Variants in CCDC88A observed in about 807,000 individuals in gnomAD.
CCDC88A encodes coiled-coil and HOOK domain protein 88A.
A neutral mutation model predicts 234.3 loss-of-function variants in CCDC88A; 54 were observed. That is an observed-to-expected ratio of 0.23 (90% CI 0.19 to 0.29). CCDC88A has a LOEUF of 0.29. Among genes scored for constraint, CCDC88A ranks in the 10% least tolerant of loss-of-function variants. The probability of loss-of-function intolerance (pLI) is 1.00; values close to 1 mark genes in which losing one functional copy is unlikely to be tolerated. For missense variants in CCDC88A, 1,832 were observed against 2,123.4 expected (o/e 0.86, Z 2.70); for synonymous variants, 753 against 737.8 (o/e 1.02, Z -0.33).
At chr2:55,347,918 T>C (rs945062805) in intron 9 of CCDC88A, among the ~76,000 whole-genome samples, 1 of 151,824 alleles carries the variant, frequency 6.6e-6, no homozygotes, top group Non-Finnish European at 1.5e-5. Context: ...AACCTAGTTA[T>C]TTATTTTAGA....
At chr2:55,403,771 C>T (rs1234006893) in intron 2 of CCDC88A, 1 of 152,212 alleles carries the variant, frequency 6.6e-6, no homozygotes, top group Non-Finnish European at 1.5e-5. Context: ...TAATCTAGAA[C>T]ATTCACTTAC....
At chr2:55,296,132 C>T in intron 30 of CCDC88A, 76 bp from the exon 31 acceptor site, 2 of 1,279,014 alleles carry the variant, frequency 1.6e-6, no homozygotes, top group Non-Finnish European at 1.1e-6. Flanking sequence ...GCAGACTGTG[C>T]AATATAAAAT....
chr2:55,372,055 A>C (rs1443878879), intron 5 of CCDC88A, among the ~76,000 whole-genome samples: 2 of 151,962 alleles, frequency 1.3e-5, no homozygotes, highest in East Asian at 1.9e-4. Flanking sequence ...TTTTCTTTTA[A>C]ATAAATTCTG....
intron 10 of CCDC88A, 101 bp from the exon 11 acceptor site, chr2:55,344,615 C>T: frequency 1.6e-5 from 10 of 619,580 alleles, no homozygotes; most frequent in Non-Finnish European, 2.5e-5. Context: ...ATCAACAGTT[C>T]TATGCATGAG....
intron 8 of CCDC88A, among the ~76,000 whole-genome samples, chr2:55,351,504 A>T (rs1669881700): frequency 6.6e-6 from 1 of 151,868 alleles, no homozygotes; most frequent in African/African-American, 2.4e-5. Context: ...ATGCCACCAC[A>T]CCCCTAATTT....
At chr2:55,355,521 G>T in intron 8 of CCDC88A, 58 bp downstream of exon 8, 2 of 1,401,460 alleles carry the variant, frequency 1.4e-6, no homozygotes, top group Non-Finnish European at 2.0e-6. Context: ...TAAAAATATT[G>T]TTTAGGTCAC....
chr2:55,380,057 C>G (rs58061618), intron 3 of CCDC88A, among the ~76,000 whole-genome samples: 1 of 93,096 alleles, frequency 1.1e-5, no homozygotes, highest in African/African-American at 4.0e-5. Flanking sequence ...AGCCCTGTCT[C>G]TACTAAAAAA....
At chr2:55,340,489 G>A (rs1484931448) in intron 12 of CCDC88A, among the ~76,000 whole-genome samples, 1 of 152,082 alleles carries the variant, frequency 6.6e-6, no homozygotes, top group Non-Finnish European at 1.5e-5. Context: ...TAGTCATCAT[G>A]TTGTTAATCT....
intron 31 of CCDC88A, chr2:55,294,400 CTAAGTT>C: frequency 1.1e-6 from 1 of 924,492 alleles, no homozygotes; most frequent in Non-Finnish European, 1.3e-6. Flanking sequence ...AAGAATAACA[CTAAGTT>C]TATAAGTATT....
At chr2:55,374,528 C>T (rs1003653916) in intron 4 of CCDC88A, among the ~76,000 whole-genome samples, 12 of 152,138 alleles carry the variant, frequency 7.9e-5, no homozygotes, top group African/African-American at 2.9e-4. Flanking sequence ...GTAACTACAT[C>T]ATCTTCTATA....
intron 5 of CCDC88A, among the ~76,000 whole-genome samples, chr2:55,368,269 G>A (rs1192321603): frequency 6.6e-6 from 1 of 152,134 alleles, no homozygotes; most frequent in Non-Finnish European, 1.5e-5. Flanking sequence ...AGTTATTTAT[G>A]TGGCTTTTAC....
intron 3 of CCDC88A, among the ~76,000 whole-genome samples, chr2:55,384,197 T>A (rs1050800838): frequency 6.7e-6 from 1 of 150,060 alleles, no homozygotes; most frequent in Admixed American, 6.7e-5. Context: ...CAATAAAAAA[T>A]GTAAACACAT....
intron 3 of CCDC88A, 149 bp from the exon 4 acceptor site, chr2:55,375,032 C>T: frequency 2.0e-6 from 1 of 511,916 alleles, no homozygotes; most frequent in Non-Finnish European, 3.6e-6. Context: ...GGTCTTAAAT[C>T]TTTTGTAACT....
chr2:55,396,667 G>C (rs772621025), intron 2 of CCDC88A, among the ~76,000 whole-genome samples: 2 of 151,976 alleles, frequency 1.3e-5, no homozygotes, highest in African/African-American at 2.4e-5. Context: ...TCTGGAGATC[G>C]AGACCATCCT....
chr2:55,336,906 G>A (rs2104696740), intron 13 of CCDC88A, 88 bp from the exon 14 acceptor site: 1 of 771,824 alleles, frequency 1.3e-6, no homozygotes, highest in Non-Finnish European at 2.0e-6. Flanking sequence ...CTGAATAAAG[G>A]ATAAAATAGT....
intron 2 of CCDC88A, among the ~76,000 whole-genome samples, chr2:55,398,783 T>G (rs1678067243): frequency 6.6e-6 from 1 of 151,902 alleles, no homozygotes; most frequent in Non-Finnish European, 1.5e-5. Context: ...GAAGATTGCT[T>G]GAGCCCAGGA....
At chr2:55,357,345 T>G (rs980157090) in intron 7 of CCDC88A, among the ~76,000 whole-genome samples, 4 of 150,778 alleles carry the variant, frequency 2.7e-5, no homozygotes, top group African/African-American at 9.8e-5. Context: ...CCTTCCTTCC[T>G]CCCTCCCTCC....
At chr2:55,385,859 A>C (rs1442690718) in intron 3 of CCDC88A, among the ~76,000 whole-genome samples, 1 of 135,656 alleles carries the variant, frequency 7.4e-6, no homozygotes, top group Non-Finnish European at 1.5e-5. Context: ...TGTCAAAAAA[A>C]AAAAAAAAAA....
At chr2:55,306,726 G>A (rs1340792822) in intron 25 of CCDC88A, among the ~76,000 whole-genome samples, 2 of 151,946 alleles carry the variant, frequency 1.3e-5, no homozygotes, top group Non-Finnish European at 2.9e-5. Flanking sequence ...GCTGGTGCAT[G>A]CCACCACACT....
Sources: gnomAD v4.1 joint callset for allele counts (sites outside exome capture counted in the v4.1 genomes callset) on GRCh38, gnomAD v4.1.1 for gene constraint, MANE v1.5 for transcripts, NCBI Gene and HGNC (gene_info 2026-07-23, HGNC 2026-07-21) for gene names.